The following PAX5 variants were observed in gnomAD, a reference collection of about 807,000 sequenced individuals.
PAX5 encodes the protein paired box protein Pax-5.
A neutral mutation model predicts 43.7 loss-of-function variants in PAX5; 9 were observed. That is an observed-to-expected ratio of 0.21 (90% CI 0.12 to 0.36). The LOEUF is 0.36. PAX5 is among the 10% of genes least tolerant of loss of function. The pLI, the probability that PAX5 is intolerant of heterozygous loss-of-function variation, is 1.00. For missense variants in PAX5, 383 were observed against 532.7 expected (o/e 0.72, Z 2.77); for synonymous variants, 228 against 214.3 (o/e 1.06, Z -0.56).
At chr9:36,840,673 G>T in intron 9 of PAX5, 37 bp from the exon 10 acceptor site, 1 of 1,401,000 alleles carries the variant, frequency 7.1e-7, no homozygotes, top group South Asian at 1.3e-5. Context: ...GGTCAGATCC[G>T]GGGTCCCCTT....
In PAX5 at chr9:36,834,983, GC is replaced by G. The variant is rs1172824528; in HGVS notation, c.*5576del. 3 of 233,234 alleles carry G rather than the reference GC, an allele frequency of 1.3e-5. No individual in the cohort carries two copies. Among genetic ancestry groups the G allele is most frequent in the Admixed American group, 5.6e-5 (1 of 17,786 alleles). 14.4% of individuals were successfully genotyped at this position (233,234 alleles called of 1,614,324 possible). On this transcript the variant is annotated 3_prime_UTR_variant, in exon 10 of 10. Transcript: ENST00000358127. ...TGCTTCCCTCCCTGGGCCCCGATCA[GC>G]CACCGGAAGCTGATGGGTGGGTGGG...
At position 36,940,931 on chromosome 9, in the gene PAX5, G is replaced by C. The variant is rs553077952; in HGVS notation, c.781-17447C>G. On this transcript the variant is annotated intron_variant, in intron 6 of 9. Coordinates refer to ENST00000358127, the MANE Select transcript of PAX5 (RefSeq NM_016734.3). ...GGTCCAGGTAGAGAGTGGATAATTA[G>C]AGCCCTGAAAACAGGTTAAGTGGGA... is the stretch of plus-strand genomic sequence containing the variant. Among the ~76,000 whole-genome samples the C allele has an allele frequency of 3.3e-5, 5 of 152,308 alleles. No individual in the cohort carries two copies. The South Asian group carries it at 8.3e-4, about 25-fold the overall frequency.
At chr9:36,966,041 C>T (rs896986343) in intron 6 of PAX5, among the ~76,000 whole-genome samples, 1 of 152,252 alleles carries the variant, frequency 6.6e-6, no homozygotes, top group African/African-American at 2.4e-5. Flanking sequence ...TGAGACATTT[C>T]TTTATCTCCA....
chr9:36,900,677 C>G (rs921235826), intron 7 of PAX5, among the ~76,000 whole-genome samples: 2 of 152,124 alleles, frequency 1.3e-5, no homozygotes, highest in African/African-American at 4.8e-5. Flanking sequence ...CCTCAGCCAC[C>G]CTGGTTTCCC....
chr9:37,000,407 G>A (rs1837746646), intron 5 of PAX5, among the ~76,000 whole-genome samples: 2 of 152,100 alleles, frequency 1.3e-5, no homozygotes, highest in Non-Finnish European at 2.9e-5. Context: ...TGCCCCCTAA[G>A]TCTTCCTGAG....
At chr9:36,959,831 C>T (rs1833801796) in intron 6 of PAX5, among the ~76,000 whole-genome samples, 1 of 152,232 alleles carries the variant, frequency 6.6e-6, no homozygotes, top group Non-Finnish European at 1.5e-5. Flanking sequence ...AGGCAAGGAC[C>T]TGGCTTATGA....
chr9:36,840,127 C>G lies in PAX5; in HGVS notation c.*433G>C. ...CGAGATGCATCATGGGTGGAGCAGT[C>G]TTCTCAGTCGGACCTTCAGGCCCAC... On this transcript the variant is annotated 3_prime_UTR_variant, in exon 10 of 10. Transcript: ENST00000358127. 2.7e-6 allele frequency: 1 copy of G among 374,846 alleles called. No individual in the cohort carries two copies. The highest frequency in any genetic ancestry group is 4.9e-6 in the Non-Finnish European group (1 of 202,736). The allele number at this position is 374,846 out of a possible 1,614,324, so 23.2% of individuals were successfully genotyped here.
At chr9:36,902,788 C>T (rs150537266) in intron 7 of PAX5, among the ~76,000 whole-genome samples, 24 of 152,370 alleles carry the variant, frequency 1.6e-4, no homozygotes, top group African/African-American at 3.1e-4. Context: ...CTGGCACAGA[C>T]GGCTATTTGT....
At chr9:36,849,147 G>A (rs1171482368) in intron 8 of PAX5, among the ~76,000 whole-genome samples, 1 of 152,210 alleles carries the variant, frequency 6.6e-6, no homozygotes, top group African/African-American at 2.4e-5. Context: ...GGCCCTGCAG[G>A]TCCGTTGGAT....
chr9:36,915,369 A>G (rs985259436), intron 7 of PAX5, among the ~76,000 whole-genome samples: 1 of 152,208 alleles, frequency 6.6e-6, no homozygotes, highest in African/African-American at 2.4e-5. Context: ...TATCTCCAAC[A>G]CTGAACTTTA....
chr9:36,904,513 G>A (rs1006148988), intron 7 of PAX5, among the ~76,000 whole-genome samples: 1 of 152,088 alleles, frequency 6.6e-6, no homozygotes, highest in Non-Finnish European at 1.5e-5. Context: ...GATGATCTCA[G>A]GGTGGGAGTA....
chr9:36,882,074 C>G lies in PAX5; in HGVS notation c.942G>C (p.Gly314=), dbSNP rs2131763626. 6.2e-7 allele frequency: 1 copy of G among 1,606,552 alleles called. No individual in the cohort carries two copies. The highest frequency in any genetic ancestry group is 8.5e-7 in the Non-Finnish European group (1 of 1,175,316). Residue 314 remains glycine, a synonymous_variant, in exon 8 of 10, where the codon GGG becomes GGC. Coordinates refer to ENST00000358127, the MANE Select transcript of PAX5 (RefSeq NM_016734.3). The surrounding 1 kb of genome is among the most constrained non-coding windows in gnomAD (Gnocchi z 4.4). ...CAGCGGGGGGGACGTGTGGAGGGTACCCGGGGAGGGTCGTGCTCGCCAAGT... is the reference window on the plus strand; with the variant it reads ...CAGCGGGGGGGACGTGTGGAGGGTAGCCGGGGAGGGTCGTGCTCGCCAAGT... ...GRDLASTTLP[G]YPPHVPPAGQ... is the part of the protein sequence containing the mutation.
Position 37,004,118 on chromosome 9 carries a change from T to G in PAX5, c.476-1342A>C, listed in dbSNP as rs528451445. Among the ~76,000 whole-genome samples the G allele has an allele frequency of 4.6e-5, 7 of 152,390 alleles. No individual in the cohort carries two copies. In the South Asian group the frequency reaches 1.4e-3, roughly 32 times the overall value. The stretch of plus-strand genomic sequence containing the variant: ...AGAACTTAGCCTTGGGTTTACTTAC[T>G]TAAAGTCTAGATTTCCCCCGCCCAG... On this transcript the variant is annotated intron_variant, in intron 4 of 9. Transcript: ENST00000358127.
intron 8 of PAX5, among the ~76,000 whole-genome samples, chr9:36,852,667 C>T (rs769157414): frequency 3.3e-5 from 5 of 152,228 alleles, no homozygotes; most frequent in Non-Finnish European, 4.4e-5. Context: ...GACAGTCCCT[C>T]CCGGCATTCT....
chr9:36,925,484 C>T (rs1280709154), intron 6 of PAX5, among the ~76,000 whole-genome samples: 1 of 152,112 alleles, frequency 6.6e-6, no homozygotes. Flanking sequence ...AGAATCCAGT[C>T]CAGACCCTGG....
intron 8 of PAX5, among the ~76,000 whole-genome samples, chr9:36,848,291 T>G (rs575449419): frequency 6.6e-6 from 1 of 150,990 alleles, no homozygotes; most frequent in South Asian, 2.1e-4. Context: ...GGCCAGCCAC[T>G]CCCACCTCCT....
At chr9:36,991,088 G>A (rs565699835) in intron 5 of PAX5, among the ~76,000 whole-genome samples, 39 of 146,482 alleles carry the variant, frequency 2.7e-4, no homozygotes, top group African/African-American at 9.7e-4. Flanking sequence ...CAGCCTGGGC[G>A]GTAGAGCCAG....
chr9:36,965,835 T>A (rs1267606899), intron 6 of PAX5, among the ~76,000 whole-genome samples: 1 of 152,136 alleles, frequency 6.6e-6, no homozygotes, highest in Non-Finnish European at 1.5e-5. Flanking sequence ...GAAATAGTCT[T>A]ATGAACTGAA....
rs10663927 is a variant in PAX5 at position 36,984,435 on chromosome 9, C to CTTTTTTTTTTTTT, written c.605-17724_605-17712dup. The stretch of plus-strand genomic sequence containing the variant: ...GCCCTGGATTGGTTATTGAACCTCT[C>CTTTTTTTTTTTTT]TTTTTTTTTTTTTTTTTTTTTTGAG... On this transcript the variant is annotated intron_variant, in intron 5 of 9. Coordinates refer to ENST00000358127, the MANE Select transcript of PAX5 (RefSeq NM_016734.3). 2.7e-4 allele frequency among the ~76,000 whole-genome samples: 18 copies of CTTTTTTTTTTTTT among 66,880 alleles called. 2 individuals carry two copies. The highest frequency in any genetic ancestry group is 1.4e-3 in the South Asian group (2 of 1,416). The allele number at this position is 66,880 out of a possible 152,430, so 43.9% of individuals were successfully genotyped here.
Sources: gnomAD v4.1 joint callset for allele counts (sites outside exome capture counted in the v4.1 genomes callset) on GRCh38, gnomAD v4.1.1 for gene constraint, Gnocchi (gnomAD v3.1) non-coding constraint, MANE v1.5 for transcripts, NCBI Gene and HGNC (gene_info 2026-07-23, HGNC 2026-07-21) for gene names.